Variants in NDUFA10 observed in about 807,000 individuals in gnomAD.
The protein encoded by NDUFA10 is NADH:ubiquinone oxidoreductase subunit A10.
In NDUFA10, 40 loss-of-function variants were observed where a neutral mutation model predicts 47.8. That is an observed-to-expected ratio of 0.84 (90% CI 0.65 to 1.09). The LOEUF (loss-of-function observed/expected upper bound fraction) is 1.09, where lower values mean the gene tolerates loss of function less well. Ranked by LOEUF, NDUFA10 falls within the 50% of genes least tolerant of loss-of-function variation. NDUFA10 has a pLI of 0.00. For missense variants in NDUFA10, 413 were observed against 451.1 expected, an observed-to-expected ratio of 0.92 and a Z score of 0.76; for synonymous variants, 183 against 172.2, an observed-to-expected ratio of 1.06 and a Z score of -0.49.
chr2:239,996,092 G>C (rs1696464112), intron 8 of NDUFA10, among the ~76,000 whole-genome samples: 1 of 152,162 alleles, frequency 6.6e-6, no homozygotes, highest in Non-Finnish European at 1.5e-5. Context: ...CCAGCAGAGG[G>C]AAAATCAGTA....
rs1252970489 is a variant in NDUFA10 at position 239,906,969 on chromosome 2, G to T, written c.295-11655C>A. On this transcript the variant is annotated intron_variant, in intron 4 of 5. Coordinates refer to the NDUFA10 transcript ENST00000419408. This position sits in a 1 kb window ranked among gnomAD's most constrained non-coding sequence, Gnocchi z 4.3. ...TTGCCAAGTCAATCCTAAGCCAAAAGAACAAAGCTGGAGGCATCACACTAC... is the reference window on the plus strand; with the variant it reads ...TTGCCAAGTCAATCCTAAGCCAAAATAACAAAGCTGGAGGCATCACACTAC... Among the ~76,000 whole-genome samples, 3 of 152,170 alleles carry T rather than the reference G, an allele frequency of 2.0e-5. No homozygotes were observed. The highest frequency in any genetic ancestry group is 4.4e-5 in the Non-Finnish European group (3 of 68,044).
intron 8 of NDUFA10, among the ~76,000 whole-genome samples, chr2:240,000,008 G>A (rs559219371): frequency 1.3e-5 from 2 of 152,218 alleles, no homozygotes; most frequent in Non-Finnish European, 2.9e-5. Flanking sequence ...TGACTCCCGT[G>A]TCTGCGGTGA....
chr2:239,939,577 A>G (rs2106377891), intron 4 of NDUFA10, among the ~76,000 whole-genome samples: 1 of 152,380 alleles, frequency 6.6e-6, no homozygotes, highest in Non-Finnish European at 1.5e-5. Flanking sequence ...GTTCATTATG[A>G]AGGATTTGAC....
chr2:239,961,783 C>T (rs556272108), intron 9 of NDUFA10, among the ~76,000 whole-genome samples: 15 of 152,338 alleles, frequency 9.8e-5, no homozygotes, highest in African/African-American at 3.4e-4. Context: ...CTAGCGGGAG[C>T]CACTGAACAT....
In NDUFA10 at chr2:240,021,314, C is replaced by T. The variant is rs778146107; in HGVS notation, c.343G>A (p.Glu115Lys). Residue 115 changes from glutamate (E) to lysine (K), a missense_variant, in exon 3 of 10, where the codon GAG (glutamate) becomes AAG (lysine). Transcript: ENST00000252711. ...ATDYNGNCSL[E>K]KFYDDPRSND... ...CTTCTCGGATCATCGTAAAATTTCT[C>T]CAAACTACAGTTGCCATTATAGTCG... is the stretch of plus-strand genomic sequence containing the variant. The T allele has an allele frequency of 6.2e-6, 10 of 1,614,084 alleles. No homozygotes were observed. Among genetic ancestry groups the T allele is most frequent in the Non-Finnish European group, 7.6e-6 (9 of 1,180,044 alleles).
chr2:239,930,953 G>C (rs927332239), intron 4 of NDUFA10, among the ~76,000 whole-genome samples: 13 of 149,912 alleles, frequency 8.7e-5, no homozygotes, highest in African/African-American at 2.7e-4. Context: ...ATGCCCAGGA[G>C]GGGGGGCAGG....
intron 9 of NDUFA10, among the ~76,000 whole-genome samples, chr2:239,982,715 T>A (rs966239066): frequency 6.6e-6 from 1 of 152,226 alleles, no homozygotes; most frequent in African/African-American, 2.4e-5. Context: ...ACACAAATGA[T>A]CCAAGAGAAA....
chr2:239,894,692 C>A (rs1324421626), intron 5 of NDUFA10, among the ~76,000 whole-genome samples: 1 of 152,202 alleles, frequency 6.6e-6, no homozygotes. Flanking sequence ...TCCTCCGTCT[C>A]TGTGGCTGTC....
At chr2:239,968,620 G>GGAGTA (rs918037810) in intron 9 of NDUFA10, among the ~76,000 whole-genome samples, 11 of 152,164 alleles carry the variant, frequency 7.2e-5, no homozygotes, top group African/African-American at 2.7e-4. Context: ...TAGATTTTAC[G>GGAGTA]GAGTAGAGCA....
intron 4 of NDUFA10, among the ~76,000 whole-genome samples, chr2:239,895,637 G>T (rs73097714): frequency 0.97 from 148,121 of 152,354 alleles, 72,152 homozygotes; most frequent in East Asian, 1. Flanking sequence ...TTAGCTGAAT[G>T]TTACTGTTCA....
chr2:240,021,166 G>A (rs1241294841), intron 3 of NDUFA10, 31 bp downstream of exon 3: 1 of 1,579,046 alleles, frequency 6.3e-7, no homozygotes. Flanking sequence ...TTCAAGTACA[G>A]AACAGATCTA....
chr2:239,959,907 T>C lies in NDUFA10; in HGVS notation c.*1211A>G. On this transcript the variant is annotated 3_prime_UTR_variant, in exon 10 of 10. Coordinates refer to ENST00000252711, the MANE Select transcript of NDUFA10 (RefSeq NM_004544.4). Reference sequence around the variant, plus strand: ...GGAAGGAGTGTGCATCTTCTTCGCATGCTCCGCAGCAGCGAGGCCTGGTAG... The same window carrying C: ...GGAAGGAGTGTGCATCTTCTTCGCACGCTCCGCAGCAGCGAGGCCTGGTAG... 1 of 985,472 alleles carries C rather than the reference T, an allele frequency of 1.0e-6. No homozygotes were observed. The highest frequency in any genetic ancestry group is 1.2e-6 in the Non-Finnish European group (1 of 829,942). The allele number at this position is 985,472 out of a possible 1,614,324, so 61.0% of individuals were successfully genotyped here.
intron 4 of NDUFA10, among the ~76,000 whole-genome samples, chr2:239,937,876 T>C (rs759247294): frequency 1.3e-5 from 2 of 152,222 alleles, no homozygotes; most frequent in African/African-American, 4.8e-5. Context: ...CCGACTTTAA[T>C]TGTAACAAAT....
chr2:239,911,398 A>T (rs62181313), intron 4 of NDUFA10, among the ~76,000 whole-genome samples: 294 of 152,102 alleles, frequency 1.9e-3, no homozygotes, highest in Middle Eastern at 6.8e-3. Flanking sequence ...AGCTCTGCAA[A>T]CCCTGGGGGA....
intron 4 of NDUFA10, among the ~76,000 whole-genome samples, chr2:239,922,468 A>G (rs1321432178): frequency 6.6e-6 from 1 of 152,172 alleles, no homozygotes; most frequent in Admixed American, 6.5e-5. Flanking sequence ...TGACAGGTAC[A>G]CAGAGACAGG....
rs529535575 is a variant in NDUFA10, at chr2:239,994,302, C to T, written c.891-4120G>A. Among the ~76,000 whole-genome samples, 11 of 152,216 alleles carry T rather than the reference C, an allele frequency of 7.2e-5. No individual in the cohort carries two copies. In the East Asian group the frequency reaches 1.4e-3, roughly 19 times the overall value. On this transcript the variant is annotated intron_variant, in intron 8 of 9. Transcript: ENST00000252711. ...TGTATTTATAGCCGATTCCCCTGCT[C>T]GCATTACTGCCTGAGCTCCACCTGC...
At chr2:240,014,209 G>C (rs1697244806) in intron 5 of NDUFA10, 1 of 169,978 alleles carries the variant, frequency 5.9e-6, no homozygotes, top group African/African-American at 2.4e-5. Context: ...GTTGCTTCGA[G>C]GCCACCTAAT....
At chr2:239,912,595 G>GA (rs1693773862) in intron 4 of NDUFA10, among the ~76,000 whole-genome samples, 1 of 151,846 alleles carries the variant, frequency 6.6e-6, no homozygotes, top group Non-Finnish European at 1.5e-5. Flanking sequence ...TGCCACGTGG[G>GA]GCTCAGCATT....
intron 4 of NDUFA10, among the ~76,000 whole-genome samples, chr2:239,900,694 C>T (rs1301900425): frequency 5.3e-5 from 8 of 152,198 alleles, no homozygotes; most frequent in African/African-American, 9.6e-5. Flanking sequence ...CTGGCATTGC[C>T]GATATGGAGA....
Sources: allele counts gnomAD v4.1 joint callset (sites outside exome capture counted in the v4.1 genomes callset), GRCh38; gene constraint gnomAD v4.1.1; non-coding constraint Gnocchi (gnomAD v3.1); transcripts MANE v1.5; gene names NCBI Gene and HGNC (gene_info 2026-07-23, HGNC 2026-07-21).